Variants in LDAH observed in about 807,000 individuals in gnomAD.
LDAH encodes the protein lipid droplet associated hydrolase, also known as lipid droplet-associated hydrolase.
A neutral mutation model predicts 29.6 loss-of-function variants in LDAH; 26 were observed. The observed-to-expected ratio is 0.88, with a 90% CI of 0.64 to 1.22. The LOEUF (loss-of-function observed/expected upper bound fraction) is 1.22. Among genes scored for constraint, LDAH ranks in the 50% most tolerant of loss-of-function variants. The pLI, the probability that LDAH is intolerant of heterozygous loss-of-function variation, is 0.00. For missense variants in LDAH, 344 were observed against 387.3 expected (o/e 0.89, Z 0.94); for synonymous variants, 117 against 133.0 (o/e 0.88, Z 0.83).
intron 5 of LDAH, among the ~76,000 whole-genome samples, chr2:20,733,012 A>T (rs1162990414): frequency 6.6e-6 from 1 of 151,582 alleles, no homozygotes; most frequent in Non-Finnish European, 1.5e-5. Flanking sequence ...CCTAATTTCT[A>T]TTCTTGTTAT....
chr2:20,716,720 GTATATATACATATA>G (rs1189334411), intron 5 of LDAH, among the ~76,000 whole-genome samples: 3 of 131,368 alleles, frequency 2.3e-5, no homozygotes, highest in Admixed American at 8.1e-5. Context: ...AGAACTTTAA[GTATATATACATATA>G]TATATATATA....
intron 3 of LDAH, among the ~76,000 whole-genome samples, chr2:20,784,759 C>T (rs888363504): frequency 6.6e-5 from 10 of 151,858 alleles, no homozygotes; most frequent in Admixed American, 1.3e-4. Context: ...TAGTGGCACA[C>T]GTCTGTAGTC....
chr2:20,726,692 A>G (rs1666039838), intron 5 of LDAH, among the ~76,000 whole-genome samples: 1 of 152,216 alleles, frequency 6.6e-6, no homozygotes, highest in Non-Finnish European at 1.5e-5. Flanking sequence ...CATAATTTGG[A>G]GAAATGTTTC....
intron 5 of LDAH, among the ~76,000 whole-genome samples, chr2:20,710,557 G>C (rs1664639851): frequency 6.8e-6 from 1 of 147,924 alleles, no homozygotes; most frequent in Non-Finnish European, 1.5e-5. Flanking sequence ...CTATATATAT[G>C]ACTCACCCCG....
Position 20,698,146 on chromosome 2 carries a change from T to C in LDAH, c.786+3424A>G, listed in dbSNP as rs574522514. Among the ~76,000 whole-genome samples the C allele has an allele frequency of 2.6e-5, 4 of 152,286 alleles. No individual in the cohort carries two copies. Among genetic ancestry groups the C allele is most frequent in the African/African-American group, 9.6e-5 (4 of 41,556 alleles). On this transcript the variant is annotated intron_variant, in intron 6 of 6. Coordinates refer to ENST00000237822, the MANE Select transcript of LDAH (RefSeq NM_021925.4). This position sits in a 1 kb window ranked among gnomAD's most constrained non-coding sequence, Gnocchi z 4.4. ...CACACTCTAGTTAATGGCGTCCCCA[T>C]CTATCCATCTGTCTAGCACATATTT...
At chr2:20,745,901 G>T (rs1667539028) in intron 4 of LDAH, among the ~76,000 whole-genome samples, 1 of 152,148 alleles carries the variant, frequency 6.6e-6, no homozygotes, top group South Asian at 2.1e-4. Flanking sequence ...TTTAAATAGG[G>T]TGTTCAGGAA....
At chr2:20,711,839 C>T (rs951274858) in intron 5 of LDAH, among the ~76,000 whole-genome samples, 18 of 152,192 alleles carry the variant, frequency 1.2e-4, no homozygotes, top group African/African-American at 4.3e-4. Context: ...GGGGGAGGGG[C>T]GTCCACCATT....
chr2:20,813,821 A>G (rs1319320574), intron 1 of LDAH, among the ~76,000 whole-genome samples: 1 of 152,200 alleles, frequency 6.6e-6, no homozygotes, highest in Non-Finnish European at 1.5e-5. Flanking sequence ...AGTGTGTTTA[A>G]GCATTTTTTC....
intron 2 of LDAH, among the ~76,000 whole-genome samples, chr2:20,798,327 C>G (rs1049845314): frequency 9.9e-5 from 15 of 152,140 alleles, no homozygotes; most frequent in African/African-American, 2.9e-4. Flanking sequence ...GCCTGGGGAG[C>G]AATGAGTCCA....
At chr2:20,764,113 A>T in intron 4 of LDAH, among the ~76,000 whole-genome samples, 1 of 152,246 alleles carries the variant, frequency 6.6e-6, no homozygotes. Flanking sequence ...GCTGAAGTTG[A>T]AAAGTTGAAA....
At chr2:20,724,661 C>T (rs1665891731) in intron 5 of LDAH, among the ~76,000 whole-genome samples, 2 of 152,240 alleles carry the variant, frequency 1.3e-5, no homozygotes, top group South Asian at 4.1e-4. Flanking sequence ...ACAAGTCTAA[C>T]AGCCCCTGTT....
At chr2:20,811,015 CCTT>C (rs1430091094) in intron 1 of LDAH, among the ~76,000 whole-genome samples, 8 of 151,548 alleles carry the variant, frequency 5.3e-5, no homozygotes, top group African/African-American at 7.3e-5. Context: ...AGGTATTCGA[CCTT>C]CTTTTTTTTT....
Position 20,684,742 on chromosome 2 carries a change from C to T in LDAH, c.*2161G>A. On this transcript the variant is annotated 3_prime_UTR_variant, in exon 7 of 7. Transcript: ENST00000237822. The stretch of plus-strand genomic sequence containing the variant: ...AACACGGGTGTGGTCAAAGCTCAAT[C>T]GCTGAGCACTCGGTAACTCTGCAGG... 2.2e-6 allele frequency: 2 copies of T among 897,180 alleles called. No homozygotes were observed. Among genetic ancestry groups the T allele is most frequent in the Non-Finnish European group, 3.3e-6 (2 of 608,238 alleles). The allele number at this position is 897,180 out of a possible 1,614,324, so 55.6% of individuals were successfully genotyped here.
At chr2:20,705,713 T>C (rs541667626) in intron 5 of LDAH, among the ~76,000 whole-genome samples, 1 of 152,348 alleles carries the variant, frequency 6.6e-6, no homozygotes, top group South Asian at 2.1e-4. Flanking sequence ...TTTCCTACTA[T>C]AAACATGTGC....
intron 5 of LDAH, among the ~76,000 whole-genome samples, chr2:20,723,201 T>C (rs1314902692): frequency 6.6e-6 from 1 of 152,238 alleles, no homozygotes; most frequent in African/African-American, 2.4e-5. Context: ...ACATACAATG[T>C]TGACTGAGAG....
At chr2:20,783,026 T>G (rs1293839009) in intron 3 of LDAH, among the ~76,000 whole-genome samples, 1 of 152,348 alleles carries the variant, frequency 6.6e-6, no homozygotes, top group Middle Eastern at 3.4e-3. Context: ...ATTTCCACTT[T>G]TATTTTGCTC....
At chr2:20,779,485 T>G (rs1670037317) in intron 3 of LDAH, among the ~76,000 whole-genome samples, 1 of 151,658 alleles carries the variant, frequency 6.6e-6, no homozygotes. Flanking sequence ...AAAAATAAAA[T>G]AAAAAGTTTC....
At chr2:20,787,734 A>G (rs922774242) in intron 3 of LDAH, among the ~76,000 whole-genome samples, 7 of 152,242 alleles carry the variant, frequency 4.6e-5, no homozygotes, top group African/African-American at 1.7e-4. Context: ...GCCAAATACA[A>G]GTTTTGAACA....
At chr2:20,790,498 C>A (rs983004798) in intron 2 of LDAH, 100 bp from the exon 3 acceptor site, 12 of 964,180 alleles carry the variant, frequency 1.2e-5, no homozygotes, top group Non-Finnish European at 1.9e-5. Flanking sequence ...TTCACACTTT[C>A]CTCTGAATTC....
Sources: allele counts gnomAD v4.1 joint callset (sites outside exome capture counted in the v4.1 genomes callset), GRCh38; gene constraint gnomAD v4.1.1; non-coding constraint Gnocchi (gnomAD v3.1); transcripts MANE v1.5; gene names NCBI Gene and HGNC (gene_info 2026-07-23, HGNC 2026-07-21).